ABHD2: variants seen among roughly 807,000 people sequenced by gnomAD.
ABHD2 encodes abhydrolase domain containing 2, acylglycerol lipase, also known as monoacylglycerol lipase ABHD2.
A neutral mutation model predicts 48.1 loss-of-function variants in ABHD2; 20 were observed. The ratio of observed to expected loss-of-function variants is 0.42; its 90% CI spans 0.29 to 0.60. The LOEUF (loss-of-function observed/expected upper bound fraction) is 0.60, where lower values mean the gene tolerates loss of function less well. Ranked by LOEUF, ABHD2 falls within the 20% of genes least tolerant of loss-of-function variation. The probability of loss-of-function intolerance (pLI) is 0.24; values close to 1 mark genes in which losing one functional copy is unlikely to be tolerated. For synonymous variants in ABHD2, 209 were observed against 214.2 expected, an observed-to-expected ratio of 0.98 and a Z score of 0.21; for missense variants, 405 against 550.9, an observed-to-expected ratio of 0.74 and a Z score of 2.65.
chr15:89,127,722 C>CACATATATAT (rs145443146), intron 3 of ABHD2, among the ~76,000 whole-genome samples: 39 of 133,118 alleles, frequency 2.9e-4, no homozygotes, highest in African/African-American at 1.1e-3. Flanking sequence ...TATATATACA[C>CACATATATAT]ATATATATAT....
chr15:89,145,529 G>A (rs955739790), intron 3 of ABHD2, among the ~76,000 whole-genome samples: 7 of 152,282 alleles, frequency 4.6e-5, no homozygotes, highest in Admixed American at 1.3e-4. Flanking sequence ...GGGCCGTGGG[G>A]TATCAGGGCA....
At chr15:89,067,663 G>T in the ABHD2 span, among the ~76,000 whole-genome samples, 1 of 152,168 alleles carries the variant, frequency 6.6e-6, no homozygotes, top group Non-Finnish European at 1.5e-5. Context: ...CCCTGCCTCA[G>T]CCTTTTTCCC....
the ABHD2 span, among the ~76,000 whole-genome samples, chr15:89,050,884 C>T: frequency 6.6e-6 from 1 of 151,992 alleles, no homozygotes; most frequent in East Asian, 1.9e-4. Context: ...TGAGAATGAT[C>T]TACTGAGCAT....
the ABHD2 span, among the ~76,000 whole-genome samples, chr15:89,073,990 C>A: frequency 1.3e-5 from 2 of 152,192 alleles, no homozygotes; most frequent in African/African-American, 4.8e-5. Context: ...AGAGAAAGGG[C>A]TTTGGGATTG....
intron 1 of ABHD2, among the ~76,000 whole-genome samples, chr15:89,110,446 T>G (rs1248686721): frequency 6.6e-6 from 1 of 152,220 alleles, no homozygotes; most frequent in Non-Finnish European, 1.5e-5. Context: ...TCGCTAAGGC[T>G]GGGTTCTAGA....
the ABHD2 span, among the ~76,000 whole-genome samples, chr15:89,062,026 A>ACT: frequency 6.6e-6 from 1 of 152,212 alleles, no homozygotes; most frequent in Non-Finnish European, 1.5e-5. Context: ...AGGGAACAGT[A>ACT]GGCCAGGCTT....
upstream of ABHD2, chr15:89,082,564 C>G (rs770367462): frequency 6.6e-6 from 1 of 152,396 alleles, no homozygotes; most frequent in Non-Finnish European, 1.5e-5. The surrounding 1 kb of genome is among the most constrained non-coding windows in gnomAD (Gnocchi z 4.4). Flanking sequence ...CTTCAAAAAC[C>G]AATTCAAATC....
rs1567092535 is a variant in ABHD2 at position 89,151,129 on chromosome 15, G to T, written c.195-548G>T. On this transcript the variant is annotated intron_variant, in intron 3 of 10. Transcript: ENST00000352732. The surrounding 1 kb of genome is among the most constrained non-coding windows in gnomAD (Gnocchi z 4.7). Reference sequence around the variant, plus strand: ...TACAGCATATTCTCTGGAGCATAGAGTAGTGCCCTCACCCCACAAGGCACT... The same window carrying T: ...TACAGCATATTCTCTGGAGCATAGATTAGTGCCCTCACCCCACAAGGCACT... Among the ~76,000 whole-genome samples the T allele has an allele frequency of 6.6e-6, 1 of 152,206 alleles. No homozygotes were observed. Among genetic ancestry groups the T allele is most frequent in the Non-Finnish European group, 1.5e-5 (1 of 68,030 alleles).
chr15:89,095,758 G>C (rs1335452409), intron 1 of ABHD2, among the ~76,000 whole-genome samples: 1 of 152,124 alleles, frequency 6.6e-6, no homozygotes, highest in African/African-American at 2.4e-5. Context: ...CCAATCCAGG[G>C]CTGAGGATGT....
Position 89,113,761 on chromosome 15 carries a change from C to T in ABHD2, c.-70C>T, listed in dbSNP as rs1020749616. On this transcript the variant is annotated 5_prime_UTR_variant, in exon 2 of 11. Transcript: ENST00000352732. ...GTTTGAATAAGAGATCTGACCTGAC[C>T]GGCCCAACTGTACAACTCTTCAAGG... The T allele has an allele frequency of 3.9e-5, 6 of 152,120 alleles. No homozygotes were observed. The highest frequency in any genetic ancestry group is 1.2e-4 in the African/African-American group (5 of 41,420). The allele number at this position is 152,120 out of a possible 1,614,324, so 9.4% of individuals were successfully genotyped here. A position where few individuals can be genotyped will look rare whatever the true frequency, so the allele number is the denominator to read the frequency against.
the ABHD2 span, among the ~76,000 whole-genome samples, chr15:89,046,210 C>T: frequency 2.6e-5 from 4 of 152,012 alleles, no homozygotes; most frequent in South Asian, 2.1e-4. Context: ...TATTGATTTG[C>T]GTATATTGAA....
chr15:89,086,902 G>C (rs573714742), upstream of ABHD2, among the ~76,000 whole-genome samples: 13 of 152,296 alleles, frequency 8.5e-5, no homozygotes, highest in African/African-American at 2.2e-4. Flanking sequence ...AGATGAAAGA[G>C]AATACAGAGG....
chr15:89,048,307 C>A, the ABHD2 span, among the ~76,000 whole-genome samples: 1 of 152,236 alleles, frequency 6.6e-6, no homozygotes, highest in South Asian at 2.1e-4. Flanking sequence ...GGTAACCCAA[C>A]CTTTCTCTCT....
intron 1 of ABHD2, among the ~76,000 whole-genome samples, chr15:89,093,457 C>G (rs1901682150): frequency 6.6e-6 from 1 of 152,132 alleles, no homozygotes; most frequent in African/African-American, 2.4e-5. Flanking sequence ...AGACGTGAGC[C>G]ACCGTGCCTG....
the ABHD2 span, among the ~76,000 whole-genome samples, chr15:89,059,055 G>A: frequency 6.6e-6 from 1 of 152,188 alleles, no homozygotes; most frequent in Non-Finnish European, 1.5e-5. Context: ...GGGGCACGCA[G>A]AGAGCTGCCA....
At chr15:89,101,660 A>G (rs915881240) in intron 1 of ABHD2, among the ~76,000 whole-genome samples, 3 of 152,200 alleles carry the variant, frequency 2.0e-5, no homozygotes, top group Non-Finnish European at 4.4e-5. Context: ...AGAGATATGA[A>G]TCATCACTTT....
the ABHD2 span, chr15:89,041,280 G>A: frequency 6.6e-6 from 1 of 152,218 alleles, no homozygotes; most frequent in Non-Finnish European, 1.5e-5. Flanking sequence ...CTCTGCCCAC[G>A]TTGCAGAATC....
rs1430805493 is a variant in ABHD2 at position 89,116,941 on chromosome 15, T to C, written c.194+420T>C. 1.3e-5 allele frequency among the ~76,000 whole-genome samples: 2 copies of C among 152,224 alleles called. No homozygotes were observed. Among genetic ancestry groups the C allele is most frequent in the African/African-American group, 4.8e-5 (2 of 41,460 alleles). On this transcript the variant is annotated intron_variant, in intron 3 of 10. Transcript: ENST00000352732. This position sits in a 1 kb window ranked among gnomAD's most constrained non-coding sequence, Gnocchi z 4.6. ...AGTTGAGTACTCTCCATCTGCCTTG[T>C]TGAAAAATGTACCAAGCATTAGCTA... is the stretch of plus-strand genomic sequence containing the variant.
At chr15:89,085,832 C>G (rs1455745977), upstream of ABHD2, among the ~76,000 whole-genome samples, 1 of 152,164 alleles carries the variant, frequency 6.6e-6, no homozygotes, top group Non-Finnish European at 1.5e-5. The surrounding 1 kb of genome is among the most constrained non-coding windows in gnomAD (Gnocchi z 4.2). Context: ...CAGGGCCTAA[C>G]AAGACATCTC....
Sources: gnomAD v4.1 joint callset for allele counts (sites outside exome capture counted in the v4.1 genomes callset) on GRCh38, gnomAD v4.1.1 for gene constraint, Gnocchi (gnomAD v3.1) non-coding constraint, MANE v1.5 for transcripts, NCBI Gene and HGNC (gene_info 2026-07-23, HGNC 2026-07-21) for gene names.